Variants in ANKRD44 observed in about 807,000 individuals in gnomAD.
ANKRD44 encodes the protein serine/threonine-protein phosphatase 6 regulatory ankyrin repeat subunit B.
Under a neutral mutation model 116.0 loss-of-function variants are expected in ANKRD44, and 35 were observed. The ratio of observed to expected loss-of-function variants is 0.30; its 90% CI spans 0.23 to 0.40. The LOEUF (loss-of-function observed/expected upper bound fraction) is 0.40. Among genes scored for constraint, ANKRD44 ranks in the 10% least tolerant of loss-of-function variants. The probability of loss-of-function intolerance (pLI) is 1.00; values close to 1 mark genes in which losing one functional copy is unlikely to be tolerated. For synonymous variants in ANKRD44, 435 were observed against 461.8 expected (o/e 0.94, Z 0.74); for missense variants, 1,014 against 1,242.6 (o/e 0.82, Z 2.77).
intron 27 of ANKRD44, 136 bp from the exon 28 acceptor site, chr2:196,989,785 T>C: frequency 2.0e-6 from 3 of 1,469,094 alleles, no homozygotes; most frequent in South Asian, 2.7e-5. Flanking sequence ...CAGTCACACT[T>C]TTCACTGACT....
intron 1 of ANKRD44, among the ~76,000 whole-genome samples, chr2:197,258,498 G>C (rs1048879351): frequency 4.6e-5 from 7 of 152,058 alleles, no homozygotes; most frequent in Non-Finnish European, 8.8e-5. Context: ...GTCATTGGAC[G>C]TTTGAGTTGT....
At position 197,122,777 on chromosome 2, in the gene ANKRD44, ACAACATC is replaced by A; in HGVS notation, c.559_565del (p.Asp187Ter). 6.2e-7 allele frequency: 1 copy of A among 1,613,830 alleles called. No homozygotes were observed. Among genetic ancestry groups the A allele is most frequent in the Non-Finnish European group, 8.5e-7 (1 of 1,179,866 alleles). Reference sequence around the variant, plus strand: ...TGCGCCATGGTTAATGAGCAATGCTACAACATCCAAGTGGCCTTTACAAACAAAGCAG... The same window carrying A: ...TGCGCCATGGTTAATGAGCAATGCTACAAGTGGCCTTTACAAACAAAGCAG... On this transcript the variant is annotated frameshift_variant, in exon 7 of 28. Transcript: ENST00000282272. LOFTEE classifies it high-confidence loss of function.
chr2:197,188,921 A>C (rs2080755263), intron 1 of ANKRD44, among the ~76,000 whole-genome samples: 2 of 152,124 alleles, frequency 1.3e-5, no homozygotes, highest in African/African-American at 4.8e-5. Flanking sequence ...GGGACCTGCA[A>C]ATCTAGATTT....
At chr2:197,014,398 C>T (rs149023766) in intron 17 of ANKRD44, among the ~76,000 whole-genome samples, 57 of 152,258 alleles carry the variant, frequency 3.7e-4, no homozygotes, top group African/African-American at 1.2e-3. Context: ...CCCCTGATTA[C>T]AATGAAAAAC....
chr2:197,252,689 T>C (rs1043687844), intron 1 of ANKRD44, among the ~76,000 whole-genome samples: 28 of 152,188 alleles, frequency 1.8e-4, no homozygotes, highest in African/African-American at 6.3e-4. Context: ...TAAGCCACTA[T>C]ATTTTTTAAA....
chr2:197,243,604 A>G (rs1030391510), intron 1 of ANKRD44, among the ~76,000 whole-genome samples: 2 of 152,246 alleles, frequency 1.3e-5, no homozygotes, highest in Admixed American at 6.5e-5. Context: ...CTTATAAACA[A>G]CAGAGATTTA....
chr2:197,041,999 G>A (rs921476367), intron 16 of ANKRD44, among the ~76,000 whole-genome samples: 1 of 151,092 alleles, frequency 6.6e-6, no homozygotes, highest in Admixed American at 6.6e-5. Context: ...CTATTTAATG[G>A]GTACATTAAT....
intron 16 of ANKRD44, among the ~76,000 whole-genome samples, chr2:197,034,422 C>T (rs2076769875): frequency 6.6e-6 from 1 of 150,564 alleles, no homozygotes; most frequent in Non-Finnish European, 1.5e-5. Flanking sequence ...CATTCACATG[C>T]TAGTTCTCAT....
chr2:197,031,101 A>G lies in ANKRD44; in HGVS notation c.1651-5834T>C, dbSNP rs142914805. Reference sequence around the variant, plus strand: ...CTACTTTACCTCTTTTTCTCCCTGTAAATCCAAAGCTTGTCAAGCGGAAAA... The same window carrying G: ...CTACTTTACCTCTTTTTCTCCCTGTGAATCCAAAGCTTGTCAAGCGGAAAA... On this transcript the variant is annotated intron_variant, in intron 16 of 27. Coordinates refer to ENST00000282272, the MANE Select transcript of ANKRD44 (RefSeq NM_001195144.2). Among the ~76,000 whole-genome samples the G allele has an allele frequency of 1.4e-3, 209 of 152,280 alleles. 1 individual carries two copies. Among genetic ancestry groups the G allele is most frequent in the African/African-American group, 4.6e-3 (190 of 41,562 alleles).
chr2:197,213,709 G>A (rs1233054512), intron 1 of ANKRD44, among the ~76,000 whole-genome samples: 1 of 152,156 alleles, frequency 6.6e-6, no homozygotes, highest in South Asian at 2.1e-4. Flanking sequence ...CTGTAGACTG[G>A]CTCATACAAT....
Position 197,007,919 on chromosome 2 carries a change from G to A in ANKRD44, c.2017C>T (p.Pro673Ser). ...VDVKDAKGQT[P>S]LMLAVAYGHI... ...CCATATGCTACTGCAAGCATCAGTG[G>A]TGTTCTAGGCAGAGAGATAAAGCAG... is the stretch of plus-strand genomic sequence containing the variant. Residue 673 changes from proline to serine, a missense_variant, in exon 20 of 28, where the codon CCA becomes TCA. Transcript: ENST00000282272. The A allele has an allele frequency of 6.2e-7, 1 of 1,611,268 alleles. No homozygotes were observed. The highest frequency in any genetic ancestry group is 8.5e-7 in the Non-Finnish European group (1 of 1,177,574).
At chr2:197,132,396 A>T (rs946156746) in intron 4 of ANKRD44, among the ~76,000 whole-genome samples, 11 of 152,230 alleles carry the variant, frequency 7.2e-5, no homozygotes, top group South Asian at 4.1e-4. Flanking sequence ...GGAGGACATA[A>T]TGTCAGGCAT....
intron 22 of ANKRD44, among the ~76,000 whole-genome samples, chr2:197,001,437 T>G (rs1301386784): frequency 6.6e-6 from 1 of 152,246 alleles, no homozygotes; most frequent in Non-Finnish European, 1.5e-5. Context: ...CAACGCTGAC[T>G]TATTTTTAGA....
chr2:197,006,305 C>T (rs2076201552), intron 20 of ANKRD44, among the ~76,000 whole-genome samples: 1 of 152,048 alleles, frequency 6.6e-6, no homozygotes, highest in Non-Finnish European at 1.5e-5. Flanking sequence ...ATTAGCCTGG[C>T]ATGGTCGTGG....
intron 16 of ANKRD44, among the ~76,000 whole-genome samples, chr2:197,066,763 A>G (rs2077442062): frequency 6.6e-6 from 1 of 152,188 alleles, no homozygotes; most frequent in Non-Finnish European, 1.5e-5. Flanking sequence ...ACTACAAACC[A>G]CTGCTCAATG....
At chr2:196,970,062 T>A (rs1456324095) in intron 21 of ANKRD44, among the ~76,000 whole-genome samples, 1 of 152,238 alleles carries the variant, frequency 6.6e-6, no homozygotes, top group African/African-American at 2.4e-5. Context: ...GTGTTAACTC[T>A]ACATTTACTA....
Position 197,170,253 on chromosome 2 carries a change from G to A in ANKRD44, c.111+16770C>T, listed in dbSNP as rs186823774. ...AAAGCCAAATGACATTGAGAAACAC[G>A]GTGTTCAAGAAAGTTAAACAGATTC... On this transcript the variant is annotated intron_variant, in intron 2 of 27. Transcript: ENST00000282272. Among the ~76,000 whole-genome samples, 8 of 147,736 alleles carry A rather than the reference G, an allele frequency of 5.4e-5. No homozygotes were observed. The East Asian group carries it at 1.6e-3, about 29-fold the overall frequency.
chr2:197,015,608 A>T, intron 17 of ANKRD44: 1 of 543,530 alleles, frequency 1.8e-6, no homozygotes, highest in Non-Finnish European at 3.4e-6. Context: ...TGTGGTAGAA[A>T]CTTTGGTGGA....
intron 8 of ANKRD44, among the ~76,000 whole-genome samples, chr2:197,117,606 G>A (rs1216008258): frequency 1.4e-4 from 22 of 151,982 alleles, no homozygotes; most frequent in Admixed American, 1.4e-3. Context: ...CTGACCTCAG[G>A]TGATCCACCC....
Sources: allele counts gnomAD v4.1 joint callset (sites outside exome capture counted in the v4.1 genomes callset), GRCh38; gene constraint gnomAD v4.1.1; transcripts MANE v1.5; gene names NCBI Gene and HGNC (gene_info 2026-07-23, HGNC 2026-07-21).